Variants in COPE observed in about 807,000 individuals in gnomAD.
COPE encodes coat protein complex I subunit epsilon.
In COPE, 19 loss-of-function variants were observed where a neutral mutation model predicts 42.1. The observed-to-expected ratio is 0.45, with a 90% CI of 0.31 to 0.66. The LOEUF (loss-of-function observed/expected upper bound fraction) is 0.66, where lower values mean the gene tolerates loss of function less well. Ranked by LOEUF, COPE falls within the 30% of genes least tolerant of loss-of-function variation. COPE has a pLI of 0.05. For synonymous variants in COPE, 195 were observed against 181.3 expected (o/e 1.08, Z -0.60); for missense variants, 402 against 416.1 (o/e 0.97, Z 0.30).
At chr19:18,906,297 C>A (rs2056758536) in intron 4 of COPE, 2 of 226,296 alleles carry the variant, frequency 8.8e-6, no homozygotes, top group Non-Finnish European at 1.7e-5. Context: ...TCAAGGGATA[C>A]TCCTGCTTCC....
At chr19:18,909,244 G>A (rs531334814) in intron 3 of COPE, among the ~76,000 whole-genome samples, 2 of 152,346 alleles carry the variant, frequency 1.3e-5, no homozygotes, top group East Asian at 3.9e-4. Context: ...GTGGCCCTGG[G>A]AGGTCACCTG....
At chr19:18,913,581 C>A (rs551034616) in intron 1 of COPE, among the ~76,000 whole-genome samples, 1 of 144,012 alleles carries the variant, frequency 6.9e-6, no homozygotes, top group Admixed American at 7.1e-5. Context: ...TGAAGCTGCC[C>A]CTGAGCCCAG....
rs758070563 is a variant in COPE, at chr19:18,903,340, C to A, written c.663G>T (p.Gly221=). Residue 221 remains glycine (G), a synonymous_variant, in exon 7 of 10, where the codon GGG becomes GGT. Transcript: ENST00000262812. The part of the protein sequence containing the change: ...KCSPTLLLLN[G]QAACHMAQGR... Reference sequence around the variant, plus strand: ...CCTGGGCCATGTGGCAGGCCGCCTGCCCATTGAGCAGCAGCAGGGTGGGCG... The same window carrying A: ...CCTGGGCCATGTGGCAGGCCGCCTGACCATTGAGCAGCAGCAGGGTGGGCG... 5 of 1,612,750 alleles carry A rather than the reference C, an allele frequency of 3.1e-6. No individual in the cohort carries two copies. In the Admixed American group the frequency reaches 8.3e-5, roughly 27 times the overall value.
At chr19:18,900,323 G>A (rs1476610950) in intron 8 of COPE, 58 bp downstream of exon 8, 8 of 1,418,328 alleles carry the variant, frequency 5.6e-6, no homozygotes, top group South Asian at 3.8e-5. Context: ...CTGGACCCCA[G>A]GCTGGGGTCC....
chr19:18,911,111 C>T, intron 2 of COPE, 40 bp from the exon 3 acceptor site: 1 of 1,566,074 alleles, frequency 6.4e-7, no homozygotes, highest in Non-Finnish European at 8.8e-7. Flanking sequence ...CCGTCCACCC[C>T]AGAGGATTTC....
At chr19:18,917,871 AG>A (rs879548249) in intron 1 of COPE, among the ~76,000 whole-genome samples, 5 of 152,090 alleles carry the variant, frequency 3.3e-5, no homozygotes, top group Non-Finnish European at 7.3e-5. Flanking sequence ...AAAGCAGAGT[AG>A]GGGGGTATGC....
intron 8 of COPE, 141 bp downstream of exon 8, chr19:18,900,240 G>A: frequency 1.4e-6 from 1 of 713,260 alleles, no homozygotes. Context: ...GGGGGGCACA[G>A]GGTTTGTGAG....
rs543507436 is a variant in COPE, at chr19:18,911,084, C to T, written c.190-13G>A. The T allele has an allele frequency of 1.9e-5, 30 of 1,610,812 alleles. No individual in the cohort carries two copies. In the South Asian group the frequency reaches 1.9e-4, roughly 10 times the overall value. On this transcript the variant is annotated splice_polypyrimidine_tract_variant and intron_variant, in intron 2 of 9. Transcript: ENST00000262812. ...CACCGAACTTCCTCTGCAGTAGGGA[C>T]GAGGCGTCAGCTGCACCCGTCCACC...
chr19:18,914,592 T>C (rs2056838279), intron 1 of COPE, among the ~76,000 whole-genome samples: 1 of 151,416 alleles, frequency 6.6e-6, no homozygotes, highest in Non-Finnish European at 1.5e-5. Context: ...TGGACTTCAG[T>C]TAGGTGACTA....
At chr19:18,906,186 A>G in intron 4 of COPE, 6 of 382,752 alleles carry the variant, frequency 1.6e-5, no homozygotes, top group Non-Finnish European at 2.3e-5. Context: ...TGACATCCCT[A>G]TTTATTTTCT....
chr19:18,905,642 G>T lies in COPE; in HGVS notation c.444-13C>A, dbSNP rs560953514. ...TGTCATGGCTGTGCTGCAGGACAGG[G>T]CGAGGGGGCGGTCAGCGGGTCGCCA... is the stretch of plus-strand genomic sequence containing the variant. On this transcript the variant is annotated splice_polypyrimidine_tract_variant and intron_variant, in intron 4 of 9. Transcript: ENST00000262812. 3.0e-5 allele frequency: 47 copies of T among 1,588,918 alleles called. No homozygotes were observed. The highest frequency in any genetic ancestry group is 3.7e-5 in the Non-Finnish European group (43 of 1,176,186).
intron 1 of COPE, among the ~76,000 whole-genome samples, chr19:18,915,022 G>A (rs569256449): frequency 2.0e-4 from 31 of 151,984 alleles, no homozygotes; most frequent in African/African-American, 6.5e-4. Context: ...CACCGTGCCC[G>A]GTCTGAGACC....
chr19:18,914,305 C>T (rs924263804), intron 1 of COPE, among the ~76,000 whole-genome samples: 2 of 151,936 alleles, frequency 1.3e-5, no homozygotes, highest in South Asian at 2.1e-4. Flanking sequence ...TTTGGGAGGC[C>T]GAAGTGGGTG....
intron 9 of COPE, 36 bp from the exon 10 acceptor site, chr19:18,899,762 A>G: frequency 4.3e-6 from 7 of 1,612,732 alleles, no homozygotes; most frequent in Non-Finnish European, 5.9e-6. Flanking sequence ...GGGTGGGGGC[A>G]GGGTGTGGGG....
Position 18,919,121 on chromosome 19 carries a change from G to A in COPE, c.126+102C>T, listed in dbSNP as rs2056887209. 2.0e-5 allele frequency: 26 copies of A among 1,331,676 alleles called. No individual in the cohort carries two copies. In the East Asian group the frequency reaches 6.0e-4, roughly 31 times the overall value. The allele number at this position is 1,331,676 out of a possible 1,614,324, so 82.5% of individuals were successfully genotyped here. ...GGAAGAGGTGGCCCAAAAAACGCGA[G>A]AAGAAAAGAGAAAGTTTTTAGACGC... On this transcript the variant is annotated intron_variant, in intron 1 of 9. Transcript: ENST00000262812.
chr19:18,913,802 T>C (rs992792498), intron 1 of COPE, among the ~76,000 whole-genome samples: 1 of 151,912 alleles, frequency 6.6e-6, no homozygotes, highest in African/African-American at 2.4e-5. Flanking sequence ...TCCAACAACC[T>C]CTAAACAGAG....
chr19:18,915,221 G>GA lies in COPE; in HGVS notation c.127-2176dup, dbSNP rs202101131. Among the ~76,000 whole-genome samples the GA allele has an allele frequency of 9.3e-3, 1,419 of 151,860 alleles. 32 individuals carry two copies. Among genetic ancestry groups the GA allele is most frequent in the African/African-American group, 0.033 (1,349 of 41,438 alleles). On this transcript the variant is annotated intron_variant, in intron 1 of 9. Coordinates refer to ENST00000262812, the MANE Select transcript of COPE (RefSeq NM_007263.4). ...GAGTGAGACCCTGTCTATCTTTAGG[G>GA]AAAAAAAAGAGACAAAAGCTGGCTG...
At chr19:18,912,102 C>T (rs1209867244) in intron 2 of COPE, among the ~76,000 whole-genome samples, 2 of 152,170 alleles carry the variant, frequency 1.3e-5, no homozygotes, top group Non-Finnish European at 2.9e-5. Context: ...CCGCCTTGGC[C>T]TCCCAAAGTG....
rs1048318682 is a variant in COPE at position 18,919,344 on chromosome 19, G to A, written c.5C>T (p.Ala2Val). 6.2e-7 allele frequency: 1 copy of A among 1,613,566 alleles called. No individual in the cohort carries two copies. The highest frequency in any genetic ancestry group is 2.2e-5 in the East Asian group (1 of 44,892). ...GGAGGCCGGGCCGGGGGCCGGAGGC[G>A]CCATTTCGCTGTCTTCTCACCAGCT... is the stretch of plus-strand genomic sequence containing the variant. M[A>V]PPAPGPASGG... is the part of the protein sequence containing the mutation. The change falls in exon 1 of 10, where the codon GCG becomes GTG. Residue 2 changes from alanine (A) to valine (V), a missense_variant. Coordinates refer to ENST00000262812, the MANE Select transcript of COPE (RefSeq NM_007263.4).
Sources: gnomAD v4.1 joint callset for allele counts (sites outside exome capture counted in the v4.1 genomes callset) on GRCh38, gnomAD v4.1.1 for gene constraint, MANE v1.5 for transcripts, NCBI Gene and HGNC (gene_info 2026-07-23, HGNC 2026-07-21) for gene names.